The following ARHGAP45 variants were observed in gnomAD, a reference collection of about 807,000 sequenced individuals.
The protein encoded by ARHGAP45 is Rho GTPase activating protein 45.
ARHGAP45 carries 56 observed loss-of-function variants against 116.1 expected under a neutral mutation model. The observed-to-expected ratio is 0.48, with a 90% confidence interval of 0.39 to 0.60. ARHGAP45 has a LOEUF of 0.60. Ranked by LOEUF, ARHGAP45 falls within the 20% of genes least tolerant of loss-of-function variation. The pLI is 0.00. For missense variants in ARHGAP45, 1,622 were observed against 1,601.0 expected (o/e 1.01, Z -0.22); for synonymous variants, 866 against 701.7 (o/e 1.23, Z -3.70).
chr19:1,070,237 G>A (rs746497912), intron 2 of ARHGAP45, among the ~76,000 whole-genome samples: 1 of 151,510 alleles, frequency 6.6e-6, no homozygotes, highest in South Asian at 2.1e-4. Flanking sequence ...CTCGTGATCC[G>A]CATGCCTCAG....
Position 1,081,946 on chromosome 19 carries a change from G to A in ARHGAP45, c.2502G>A (p.Lys834=). 6.2e-7 allele frequency: 1 copy of A among 1,611,738 alleles called. No individual in the cohort carries two copies. The highest frequency in any genetic ancestry group is 8.5e-7 in the Non-Finnish European group (1 of 1,179,588). Reference sequence around the variant, plus strand: ...CCCACGACATCAGCAACGTCCTCAAGCTCTACCTGCGTCAGGTGAGACCCA... The same window carrying A: ...CCCACGACATCAGCAACGTCCTCAAACTCTACCTGCGTCAGGTGAGACCCA... ...ASPHDISNVL[K]LYLRQLPEPL... Residue 834 remains lysine (K), a synonymous_variant, in exon 19 of 23, where the codon AAG becomes AAA. Coordinates refer to ENST00000313093, the MANE Select transcript of ARHGAP45 (RefSeq NM_012292.5).
intron 19 of ARHGAP45, 171 bp from the exon 20 acceptor site, chr19:1,082,669 A>G: frequency 3.4e-6 from 2 of 588,562 alleles, no homozygotes; most frequent in Non-Finnish European, 5.7e-6. Flanking sequence ...TAGGAGGGGC[A>G]GGGCTCACGC....
At chr19:1,072,425 T>C (rs916047716) in intron 2 of ARHGAP45, among the ~76,000 whole-genome samples, 2 of 152,126 alleles carry the variant, frequency 1.3e-5, no homozygotes, top group Non-Finnish European at 2.9e-5. Context: ...TTATTCTTTA[T>C]TTTATTTCTT....
chr19:1,080,096 C>A lies in ARHGAP45; in HGVS notation c.1681C>A (p.Pro561Thr). Residue 561 changes from proline to threonine, a missense_variant, in exon 13 of 23, where the codon CCC becomes ACC. Pro to Thr is a conservative substitution (Grantham distance 38). Around this residue, in one of 3 missense-constraint regions of ARHGAP45, gnomAD observed 1,334 missense variants for 1,263.8 expected, o/e 1.06. Transcript: ENST00000313093. ...QEPDVHYDFE[P>T]HVSANAWSPV... ...GCCCGATGTGCACTACGACTTTGAGCCCCACGTCTCCGCCAACGCCTGGTA... is the reference window on the plus strand; with the variant it reads ...GCCCGATGTGCACTACGACTTTGAGACCCACGTCTCCGCCAACGCCTGGTA... 6.2e-7 allele frequency: 1 copy of A among 1,612,192 alleles called. No homozygotes were observed. The highest frequency in any genetic ancestry group is 8.5e-7 in the Non-Finnish European group (1 of 1,179,786).
At chr19:1,066,373 G>C (rs1014582080), upstream of ARHGAP45, 1 of 583,914 alleles carries the variant, frequency 1.7e-6, no homozygotes, top group Non-Finnish European at 3.0e-6. Flanking sequence ...TATCAGCAAC[G>C]GGTGCCTGCG....
At chr19:1,076,613 C>T (rs2043256272) in intron 10 of ARHGAP45, among the ~76,000 whole-genome samples, 1 of 150,216 alleles carries the variant, frequency 6.7e-6, no homozygotes. Flanking sequence ...TCTTCTGCCT[C>T]AGCCTCCCAA....
chr19:1,076,379 G>A (rs2043248254), intron 10 of ARHGAP45, among the ~76,000 whole-genome samples: 1 of 149,630 alleles, frequency 6.7e-6, no homozygotes, highest in South Asian at 2.1e-4. Context: ...AATCATGTGA[G>A]TTTTAGACTC....
At position 1,073,953 on chromosome 19, in the gene ARHGAP45, G is replaced by A. The variant is rs1330618120; in HGVS notation, c.729G>A (p.Met243Ile). The A allele has an allele frequency of 1.4e-5, 22 of 1,576,708 alleles. No individual in the cohort carries two copies. Among genetic ancestry groups the A allele is most frequent in the Non-Finnish European group, 1.5e-5 (18 of 1,162,142 alleles). Residue 243 changes from methionine to isoleucine, a missense_variant, in exon 6 of 23, where the codon ATG becomes ATA. This residue lies in a region of ARHGAP45 where 1,334 missense variants were observed against 1,263.8 expected (regional missense o/e 1.06). Transcript: ENST00000313093. ...CCTGCGTCTCCGTCCTACAGTCCAT[G>A]GAAAGCCTGTATGGACCGGGCAGTG... ...AVPPGDSSQS[M>I]ESLYGPGSEG...
In ARHGAP45 at chr19:1,068,606, C is replaced by T; in HGVS notation, c.283C>T (p.Leu95=). The T allele has an allele frequency of 1.2e-6, 2 of 1,611,256 alleles. No individual in the cohort carries two copies. The highest frequency in any genetic ancestry group is 2.7e-5 in the African/African-American group (2 of 75,020). ...ACTGGGCCGGAGCCACCGGAGCCCA[C>T]TGACAGCCGCCAGCCCGGGCGAGCT... ...WTLGRSHRSP[L]TAASPGELPT... Residue 95 remains leucine (L), a synonymous_variant, in exon 2 of 23, where the codon CTG becomes TTG. Transcript: ENST00000313093. This position sits in a 1 kb window ranked among gnomAD's most constrained non-coding sequence, Gnocchi z 7.5.
chr19:1,079,567 G>A, intron 11 of ARHGAP45, 136 bp from the exon 12 acceptor site: 1 of 1,061,076 alleles, frequency 9.4e-7, no homozygotes, highest in Non-Finnish European at 1.4e-6. Flanking sequence ...TCGAACTCCT[G>A]GCCTCAAGCA....
intron 2 of ARHGAP45, among the ~76,000 whole-genome samples, chr19:1,072,693 C>T (rs1005949471): frequency 1.3e-5 from 2 of 152,204 alleles, no homozygotes; most frequent in Admixed American, 1.3e-4. Context: ...TCAGAGCTAG[C>T]GTAGATGGAA....
intron 11 of ARHGAP45, among the ~76,000 whole-genome samples, chr19:1,079,466 T>C (rs1218660387): frequency 6.8e-6 from 1 of 145,990 alleles, no homozygotes; most frequent in Non-Finnish European, 1.5e-5. Context: ...ATCGTACCAC[T>C]GCACTCCAGC....
chr19:1,080,625 G>C (rs371454377), intron 15 of ARHGAP45, 57 bp from the exon 16 acceptor site: 5 of 1,605,700 alleles, frequency 3.1e-6, no homozygotes, highest in Admixed American at 1.7e-5. Flanking sequence ...ACCCACCGGG[G>C]TGATGGAGGG....
At position 1,067,544 on chromosome 19, in the gene ARHGAP45, G is replaced by A. The variant is rs1189436404; in HGVS notation, c.90+49G>A. 5 of 1,499,418 alleles carry A rather than the reference G, an allele frequency of 3.3e-6. No individual in the cohort carries two copies. The East Asian group carries it at 9.6e-5, about 29-fold the overall frequency. The allele number at this position is 1,499,418 out of a possible 1,614,324, so 92.9% of individuals were successfully genotyped here. The stretch of plus-strand genomic sequence containing the variant: ...CGGAGCTGACGCCGGGCCGCAGGGG[G>A]ACAGGGACCCGCCCTGTGCTCGGGG... On this transcript the variant is annotated intron_variant, in intron 1 of 22. Transcript: ENST00000313093.
At chr19:1,065,967 G>T, upstream of ARHGAP45, 4 of 1,517,268 alleles carry the variant, frequency 2.6e-6, no homozygotes, top group Non-Finnish European at 3.5e-6. Context: ...CCAGGGCCGG[G>T]CCAGAAGCCC....
Position 1,083,033 on chromosome 19 carries a change from C to T in ARHGAP45, c.2711C>T (p.Ala904Val). The T allele has an allele frequency of 2.6e-6, 4 of 1,544,942 alleles. No homozygotes were observed. The highest frequency in any genetic ancestry group is 3.5e-6 in the Non-Finnish European group (4 of 1,150,182). Residue 904 changes from alanine to valine, a missense_variant, in exon 20 of 23, where the codon GCC becomes GTC. Physicochemically the swap from Ala to Val is moderately conservative, Grantham distance 64. Coordinates refer to ENST00000313093, the MANE Select transcript of ARHGAP45 (RefSeq NM_012292.5). ...CGGGACCTGCCGCCTGAGAACCGGG[C>T]CTCGCTGCAGTACCTGCTGCGTCAC... ...LLRDLPPENR[A>V]SLQYLLRHLR...
At chr19:1,074,909 G>A (rs1467881244) in intron 10 of ARHGAP45, 30 bp downstream of exon 10, 4 of 603,464 alleles carry the variant, frequency 6.6e-6, no homozygotes, top group East Asian at 6.6e-5. Context: ...GCGGGCGGGG[G>A]CGGGCAGCGG....
At chr19:1,083,493 C>T in intron 21 of ARHGAP45, 140 bp downstream of exon 21, 1 of 717,656 alleles carries the variant, frequency 1.4e-6, no homozygotes, top group Non-Finnish European at 2.3e-6. Context: ...CGGGAGGCCA[C>T]TGTCTTTTTG....
intron 21 of ARHGAP45, 111 bp from the exon 22 acceptor site, chr19:1,084,127 G>A: frequency 1.0e-6 from 1 of 990,476 alleles, no homozygotes. Context: ...CAGACCGCCT[G>A]GGCAACAGCG....
Sources: allele counts gnomAD v4.1 joint callset (sites outside exome capture counted in the v4.1 genomes callset), GRCh38; gene constraint gnomAD v4.1.1; regional missense constraint gnomAD v4.1.1; non-coding constraint Gnocchi (gnomAD v3.1); transcripts MANE v1.5; gene names NCBI Gene and HGNC (gene_info 2026-07-23, HGNC 2026-07-21).